Variants in WDFY4 observed in about 807,000 individuals in gnomAD.
WDFY4 encodes the protein WDFY family member 4, also known as WD repeat- and FYVE domain-containing protein 4.
Under a neutral mutation model 351.9 loss-of-function variants are expected in WDFY4, and 169 were observed. The observed-to-expected ratio is 0.48, with a 90% CI of 0.42 to 0.55. The LOEUF (loss-of-function observed/expected upper bound fraction) is 0.55, where lower values mean the gene tolerates loss of function less well. Ranked by LOEUF, WDFY4 falls within the 20% of genes least tolerant of loss-of-function variation. The probability of loss-of-function intolerance (pLI) is 0.00; values close to 1 mark genes in which losing one functional copy is unlikely to be tolerated. For synonymous variants in WDFY4, 1,622 were observed against 1,574.6 expected (o/e 1.03, Z -0.71); for missense variants, 3,803 against 3,935.6 (o/e 0.97, Z 0.90).
At position 48,787,916 on chromosome 10, in the gene WDFY4, T is replaced by C. The variant is rs941506978; in HGVS notation, c.3809-614T>C. Among the ~76,000 whole-genome samples the C allele has an allele frequency of 5.2e-3, 304 of 58,752 alleles. 14 individuals carry two copies. The highest frequency in any genetic ancestry group is 0.023 in the African/African-American group (284 of 12,090). 38.5% of individuals were successfully genotyped at this position (58,752 alleles called of 152,430 possible). On this transcript the variant is annotated intron_variant, in intron 20 of 61. Coordinates refer to ENST00000325239, the MANE Select transcript of WDFY4 (RefSeq NM_001394531.1). ...CTCCTTCTTCTTCTTCTTCTTCTTC[T>C]TCTTCTTCTTCTTCTTCTTCTTCTT... is the stretch of plus-strand genomic sequence containing the variant.
At chr10:48,703,877 C>T (rs1229848148) in intron 1 of WDFY4, among the ~76,000 whole-genome samples, 1 of 152,148 alleles carries the variant, frequency 6.6e-6, no homozygotes, top group African/African-American at 2.4e-5. Flanking sequence ...TGCTATGTAT[C>T]CCTGCAGGGT....
At chr10:48,760,246 T>C in intron 12 of WDFY4, 101 bp from the exon 13 acceptor site, 3 of 1,041,162 alleles carry the variant, frequency 2.9e-6, no homozygotes, top group Non-Finnish European at 4.3e-6. Flanking sequence ...ACAGGATGTG[T>C]ACCATGATCT....
rs1156936413 is a variant in WDFY4 at position 48,720,020 on chromosome 10, C to T, written c.244C>T (p.His82Tyr). The T allele has an allele frequency of 1.9e-6, 3 of 1,551,688 alleles. No individual in the cohort carries two copies. The Admixed American group carries it at 5.9e-5, about 30-fold the overall frequency. Residue 82 changes from histidine to tyrosine, a missense_variant, in exon 3 of 62, where the codon CAC (histidine) becomes TAC (tyrosine). His to Tyr is a moderately conservative substitution (Grantham distance 83, BLOSUM62 2). Around this residue, in one of 3 missense-constraint regions of WDFY4, gnomAD observed 488 missense variants for 456.8 expected, o/e 1.07. Coordinates refer to ENST00000325239, the MANE Select transcript of WDFY4 (RefSeq NM_001394531.1). ...CCATCTGTTGCTTCAGGCCTGGGAA[C>T]ACTCCGTGGGGATCATCTGCTTTCC... ...LLPLFLKAWE[H>Y]SVGIICFPSL...
intron 39 of WDFY4, among the ~76,000 whole-genome samples, chr10:48,833,528 G>A (rs1054239610): frequency 6.6e-6 from 1 of 152,146 alleles, no homozygotes; most frequent in African/African-American, 2.4e-5. Flanking sequence ...TCAAGATGGG[G>A]AAAAAATTCT....
chr10:48,829,845 T>G (rs1177916153), intron 37 of WDFY4, among the ~76,000 whole-genome samples: 1 of 152,150 alleles, frequency 6.6e-6, no homozygotes, highest in Non-Finnish European at 1.5e-5. Context: ...AGAGTAAAAC[T>G]TCATCTCAAA....
At chr10:48,932,852 G>C (rs1840104905) in intron 47 of WDFY4, among the ~76,000 whole-genome samples, 2 of 152,134 alleles carry the variant, frequency 1.3e-5, no homozygotes, top group Non-Finnish European at 2.9e-5. Context: ...TAACTAGAAT[G>C]CTAAGAAGAA....
chr10:48,775,725 C>T lies in WDFY4; in HGVS notation c.2782C>T (p.Leu928Phe). The T allele has an allele frequency of 6.4e-7, 1 of 1,551,656 alleles. No homozygotes were observed. Among genetic ancestry groups the T allele is most frequent in the Non-Finnish European group, 8.7e-7 (1 of 1,146,960 alleles). Residue 928 changes from leucine to phenylalanine, a missense_variant, in exon 15 of 62, where the codon CTT (leucine) becomes TTT (phenylalanine). By Grantham distance (22) the Leu-to-Phe change is conservative. This residue lies in a region of WDFY4 where 3,054 missense variants were observed against 3,148.6 expected (regional missense o/e 0.97). Coordinates refer to ENST00000325239, the MANE Select transcript of WDFY4 (RefSeq NM_001394531.1). ...TGTTATGTTCAGACAGTTTCTAGGT[C>T]TTGGAATTCCCTCATCTCTGTCGGC... Reference protein sequence around the residue: ...EPDVLRQFLGLGIPSSLSATT... With the variant: ...EPDVLRQFLGFGIPSSLSATT...
At chr10:48,948,314 C>G (rs1841155750) in intron 51 of WDFY4, among the ~76,000 whole-genome samples, 1 of 152,202 alleles carries the variant, frequency 6.6e-6, no homozygotes, top group African/African-American at 2.4e-5. Context: ...GTTTGGAGAA[C>G]AAATGGTCCC....
intron 12 of WDFY4, among the ~76,000 whole-genome samples, chr10:48,759,743 C>A (rs952562838): frequency 2.0e-5 from 3 of 152,140 alleles, no homozygotes; most frequent in African/African-American, 7.2e-5. Flanking sequence ...TGCACAGTTG[C>A]GAGTTTTAGG....
chr10:48,716,947 T>C (rs1166467265), intron 2 of WDFY4, among the ~76,000 whole-genome samples: 1 of 152,252 alleles, frequency 6.6e-6, no homozygotes, highest in African/African-American at 2.4e-5. Flanking sequence ...TGAGTGGCAG[T>C]TGGCTTGCAG....
chr10:48,972,670 A>G (rs182760125), intron 57 of WDFY4, among the ~76,000 whole-genome samples: 1 of 152,328 alleles, frequency 6.6e-6, no homozygotes. Flanking sequence ...CATCTTATCT[A>G]GGTTGCTGTT....
intron 13 of WDFY4, among the ~76,000 whole-genome samples, chr10:48,766,130 C>T (rs2065662842): frequency 6.7e-6 from 1 of 149,234 alleles, no homozygotes; most frequent in Admixed American, 6.7e-5. Flanking sequence ...AAGTAGGACT[C>T]TTGCTTTGTT....
chr10:48,858,616 C>A (rs2620894), intron 39 of WDFY4, among the ~76,000 whole-genome samples: 67,552 of 151,998 alleles, frequency 0.44, 16,538 homozygotes, highest in East Asian at 0.71. Flanking sequence ...TATGAGTATA[C>A]TAAGTCTTGA....
intron 51 of WDFY4, among the ~76,000 whole-genome samples, chr10:48,955,826 C>A (rs1377079282): frequency 6.6e-6 from 1 of 152,194 alleles, no homozygotes. Flanking sequence ...GCCCTCTGAG[C>A]AGGGAAGGGA....
intron 35 of WDFY4, among the ~76,000 whole-genome samples, chr10:48,824,343 C>G (rs898599285): frequency 5.3e-5 from 8 of 152,120 alleles, no homozygotes; most frequent in African/African-American, 1.9e-4. Flanking sequence ...AAATGCTTAG[C>G]ATAATACCTG....
At chr10:48,965,921 A>G (rs1445713959) in intron 54 of WDFY4, among the ~76,000 whole-genome samples, 1 of 152,192 alleles carries the variant, frequency 6.6e-6, no homozygotes, top group African/African-American at 2.4e-5. Flanking sequence ...CAAGGACTCA[A>G]CCAGGCAGCA....
intron 12 of WDFY4, among the ~76,000 whole-genome samples, chr10:48,747,119 T>C (rs1423476841): frequency 6.6e-6 from 1 of 152,226 alleles, no homozygotes; most frequent in African/African-American, 2.4e-5. Context: ...TTCTCCCTAA[T>C]TGCAGAAATA....
At chr10:48,722,668 C>T (rs536262504) in intron 4 of WDFY4, among the ~76,000 whole-genome samples, 5 of 151,170 alleles carry the variant, frequency 3.3e-5, no homozygotes, top group East Asian at 4.0e-4. Context: ...CACACACACA[C>T]GTGCACACAC....
intron 39 of WDFY4, among the ~76,000 whole-genome samples, chr10:48,857,874 C>A (rs980465542): frequency 1.3e-5 from 2 of 151,972 alleles, no homozygotes; most frequent in African/African-American, 2.4e-5. Context: ...CTCACTGCAA[C>A]CTCCACTGCC....
Sources: gnomAD v4.1 joint callset for allele counts (sites outside exome capture counted in the v4.1 genomes callset) on GRCh38, gnomAD v4.1.1 for gene constraint, gnomAD v4.1.1 regional missense constraint, MANE v1.5 for transcripts, NCBI Gene and HGNC (gene_info 2026-07-23, HGNC 2026-07-21) for gene names.